THSD7A: variants seen among roughly 807,000 people sequenced by gnomAD.
THSD7A encodes the protein thrombospondin type 1 domain containing 7A, also known as thrombospondin type-1 domain-containing protein 7A.
Under a neutral mutation model 231.3 loss-of-function variants are expected in THSD7A, and 96 were observed. That is an observed-to-expected ratio of 0.41 (90% CI 0.35 to 0.49). The LOEUF (loss-of-function observed/expected upper bound fraction) is 0.49, where lower values mean the gene tolerates loss of function less well. Among genes scored for constraint, THSD7A ranks in the 20% least tolerant of loss-of-function variants. THSD7A has a pLI of 0.05. For missense variants in THSD7A, 2,290 were observed against 2,070.2 expected (o/e 1.11, Z -2.06); for synonymous variants, 940 against 743.3 (o/e 1.26, Z -4.30).
chr7:11,699,885 T>C (rs1202722706), intron 1 of THSD7A, among the ~76,000 whole-genome samples: 2 of 151,272 alleles, frequency 1.3e-5, no homozygotes, highest in African/African-American at 4.8e-5. Flanking sequence ...GAACTGAAAG[T>C]GTACACATAG....
chr7:11,486,425 A>C (rs1271336723), intron 6 of THSD7A, among the ~76,000 whole-genome samples: 1 of 152,200 alleles, frequency 6.6e-6, no homozygotes, highest in Non-Finnish European at 1.5e-5. Context: ...CCACTTTTTC[A>C]TATCAGCAGC....
At chr7:11,608,639 A>T (rs1780816639) in intron 2 of THSD7A, among the ~76,000 whole-genome samples, 1 of 152,168 alleles carries the variant, frequency 6.6e-6, no homozygotes, top group South Asian at 2.1e-4. Flanking sequence ...AAAATATAAG[A>T]AAAAGCAATG....
intron 1 of THSD7A, among the ~76,000 whole-genome samples, chr7:11,773,443 T>C (rs1177452873): frequency 6.6e-6 from 1 of 151,988 alleles, no homozygotes; most frequent in Non-Finnish European, 1.5e-5. Context: ...GGCAGGAGAA[T>C]TGCTTGAACC....
Position 11,521,491 on chromosome 7 carries a change from T to A in THSD7A, c.1822+19928A>T, listed in dbSNP as rs543264812. Among the ~76,000 whole-genome samples, 13 of 142,962 alleles carry A rather than the reference T, an allele frequency of 9.1e-5. 1 individual carries two copies. In the East Asian group the frequency reaches 1.8e-3, roughly 20 times the overall value. 93.8% of individuals were successfully genotyped at this position (142,962 alleles called of 152,430 possible). A position where few individuals can be genotyped will look rare whatever the true frequency, so the allele number is the denominator to read the frequency against. On this transcript the variant is annotated intron_variant, in intron 6 of 27. Coordinates refer to ENST00000423059, the MANE Select transcript of THSD7A (RefSeq NM_015204.3). ...TATTTTTTTATTTTATTTATTTATT[T>A]ATTTATTTTTTTATTATACTCTAAG...
At chr7:11,520,185 A>T (rs755813105) in intron 6 of THSD7A, 3 of 152,220 alleles carry the variant, frequency 2.0e-5, no homozygotes, top group African/African-American at 4.8e-5. Context: ...GTGCTTGGAG[A>T]AACTGCAGGC....
intron 6 of THSD7A, among the ~76,000 whole-genome samples, chr7:11,530,994 G>C (rs1048800798): frequency 6.6e-6 from 1 of 152,152 alleles, no homozygotes; most frequent in Non-Finnish European, 1.5e-5. Flanking sequence ...CTGGGTGACA[G>C]ACCAAGACTC....
rs572185547 is a variant in THSD7A at position 11,814,293 on chromosome 7, A to G, written c.190+17464T>C. Among the ~76,000 whole-genome samples the G allele has an allele frequency of 9.9e-4, 151 of 152,330 alleles. No homozygotes were observed. The highest frequency in any genetic ancestry group is 1.7e-3 in the Non-Finnish European group (115 of 68,016). On this transcript the variant is annotated intron_variant, in intron 1 of 27. Transcript: ENST00000423059. The surrounding 1 kb of genome is among the most constrained non-coding windows in gnomAD (Gnocchi z 5.1). ...ATGCTACGTGCATTCTATCAAATAA[A>G]GCTGTTAAAAGAATGGCTCTGTGAT...
At chr7:11,771,549 C>A (rs554018899) in intron 1 of THSD7A, among the ~76,000 whole-genome samples, 1 of 151,680 alleles carries the variant, frequency 6.6e-6, no homozygotes, top group South Asian at 2.1e-4. Flanking sequence ...AGAAAGATAT[C>A]AGCTATTGCT....
chr7:11,737,536 C>A (rs1213310866), intron 1 of THSD7A, among the ~76,000 whole-genome samples: 1 of 152,002 alleles, frequency 6.6e-6, no homozygotes, highest in East Asian at 1.9e-4. Context: ...TACAGAAACT[C>A]TGTGCAAAGG....
chr7:11,540,788 G>C (rs1789112485), intron 6 of THSD7A, among the ~76,000 whole-genome samples: 1 of 152,292 alleles, frequency 6.6e-6, no homozygotes, highest in African/African-American at 2.4e-5. Context: ...ACAAATATTA[G>C]TTGTAAAAGT....
At chr7:11,519,634 G>T (rs553206638) in intron 6 of THSD7A, among the ~76,000 whole-genome samples, 45 of 152,252 alleles carry the variant, frequency 3.0e-4, no homozygotes, top group African/African-American at 1.0e-3. Flanking sequence ...GCATTTCTCA[G>T]TTAAAATAAG....
Position 11,637,238 on chromosome 7 carries a change from G to A in THSD7A, c.191-277C>T, listed in dbSNP as rs1781901989. ...AAGTTTGGTTTTGTTCATTTCCTTTGTTTTAGGTAGTTAGAAATCCTTGCT... is the reference window on the plus strand; with the variant it reads ...AAGTTTGGTTTTGTTCATTTCCTTTATTTTAGGTAGTTAGAAATCCTTGCT... On this transcript the variant is annotated intron_variant, in intron 1 of 27. Coordinates refer to ENST00000423059, the MANE Select transcript of THSD7A (RefSeq NM_015204.3). The surrounding 1 kb of genome is among the most constrained non-coding windows in gnomAD (Gnocchi z 4.2). 6.6e-6 allele frequency among the ~76,000 whole-genome samples: 1 copy of A among 152,116 alleles called. No individual in the cohort carries two copies.
At chr7:11,690,983 A>T (rs1454882959) in intron 1 of THSD7A, among the ~76,000 whole-genome samples, 2 of 151,768 alleles carry the variant, frequency 1.3e-5, no homozygotes, top group Admixed American at 6.6e-5. Context: ...CACTGTTTTT[A>T]AAAAAGGCAG....
At chr7:11,584,255 CA>C (rs1333159199) in intron 4 of THSD7A, among the ~76,000 whole-genome samples, 1 of 151,926 alleles carries the variant, frequency 6.6e-6, no homozygotes, top group Non-Finnish European at 1.5e-5. Context: ...TCATTTAAAA[CA>C]ACATTGGAAA....
chr7:11,725,115 A>G (rs1181413635), intron 1 of THSD7A, among the ~76,000 whole-genome samples: 1 of 151,946 alleles, frequency 6.6e-6, no homozygotes, highest in African/African-American at 2.4e-5. Context: ...AAAATAATAT[A>G]CATTTACATT....
chr7:11,536,183 ACCT>A (rs1442194083), intron 6 of THSD7A, among the ~76,000 whole-genome samples: 30 of 152,018 alleles, frequency 2.0e-4, no homozygotes, highest in African/African-American at 7.0e-4. Flanking sequence ...GAATCCAGGA[ACCT>A]CCTAAGTGGC....
chr7:11,422,331 T>G lies in THSD7A; in HGVS notation c.3383+2365A>C, dbSNP rs540700733. Among the ~76,000 whole-genome samples the G allele has an allele frequency of 2.0e-5, 3 of 152,278 alleles. No homozygotes were observed. In the South Asian group the frequency reaches 6.2e-4, roughly 32 times the overall value. On this transcript the variant is annotated intron_variant, in intron 16 of 27. Coordinates refer to ENST00000423059, the MANE Select transcript of THSD7A (RefSeq NM_015204.3). ...TAATTGAATAAATTTAAACCTCCTCTTTTATAGACCCATCTATCCTGAAAT... is the reference window on the plus strand; with the variant it reads ...TAATTGAATAAATTTAAACCTCCTCGTTTATAGACCCATCTATCCTGAAAT...
At chr7:11,678,369 A>T (rs771747663) in intron 1 of THSD7A, among the ~76,000 whole-genome samples, 4 of 152,158 alleles carry the variant, frequency 2.6e-5, no homozygotes, top group Non-Finnish European at 5.9e-5. Context: ...GGAGATAGAG[A>T]CACAAAAAAC....
intron 4 of THSD7A, among the ~76,000 whole-genome samples, chr7:11,570,415 G>A (rs1790573821): frequency 6.6e-6 from 1 of 152,092 alleles, no homozygotes; most frequent in African/African-American, 2.4e-5. Context: ...GTAAGTTCAA[G>A]TTTTCAATAG....
Sources: gnomAD v4.1 joint callset for allele counts (sites outside exome capture counted in the v4.1 genomes callset) on GRCh38, gnomAD v4.1.1 for gene constraint, Gnocchi (gnomAD v3.1) non-coding constraint, MANE v1.5 for transcripts, NCBI Gene and HGNC (gene_info 2026-07-23, HGNC 2026-07-21) for gene names.